The following MAGI1 variants were observed in gnomAD, a reference collection of about 807,000 sequenced individuals.
The protein encoded by MAGI1 is membrane-associated guanylate kinase, WW and PDZ domain-containing protein 1.
MAGI1 carries 58 observed loss-of-function variants against 139.9 expected under a neutral mutation model. That is an observed-to-expected ratio of 0.41 (90% CI 0.34 to 0.52). The LOEUF (loss-of-function observed/expected upper bound fraction) is 0.52. MAGI1 is among the 20% of genes least tolerant of loss of function. The probability of loss-of-function intolerance (pLI) is 0.12; values close to 1 mark genes in which losing one functional copy is unlikely to be tolerated. For synonymous variants in MAGI1, 812 were observed against 737.9 expected (o/e 1.10, Z -1.63); for missense variants, 1,874 against 1,901.6 (o/e 0.99, Z 0.27).
chr3:65,374,261 G>T (rs1336543607), intron 18 of MAGI1, among the ~76,000 whole-genome samples: 1 of 149,714 alleles, frequency 6.7e-6, no homozygotes, highest in Non-Finnish European at 1.5e-5. Context: ...GAATATTCAG[G>T]AACTAATTCT....
intron 7 of MAGI1, 100 bp downstream of exon 7, chr3:65,447,922 A>C: frequency 7.5e-7 from 1 of 1,338,770 alleles, no homozygotes; most frequent in Non-Finnish European, 1.1e-6. Context: ...GGAGGAGTGC[A>C]AACTAAAGAA....
chr3:65,447,878 C>G, intron 7 of MAGI1, 144 bp downstream of exon 7: 2 of 972,440 alleles, frequency 2.1e-6, no homozygotes, highest in East Asian at 2.4e-5. Flanking sequence ...TAAGACTGAC[C>G]TTTCCTGGAT....
At chr3:65,671,857 A>G (rs898670272) in intron 1 of MAGI1, among the ~76,000 whole-genome samples, 25 of 152,154 alleles carry the variant, frequency 1.6e-4, no homozygotes, top group Non-Finnish European at 5.9e-5. Flanking sequence ...TAATGACCAA[A>G]AAAAGTTCCT....
intron 2 of MAGI1, among the ~76,000 whole-genome samples, chr3:65,599,859 A>C (rs987467293): frequency 3.9e-5 from 6 of 152,200 alleles, no homozygotes; most frequent in African/African-American, 1.4e-4. Flanking sequence ...GATGTCTCGG[A>C]AGAAACACAG....
intron 1 of MAGI1, among the ~76,000 whole-genome samples, chr3:66,012,347 A>T (rs1050131565): frequency 2.0e-5 from 3 of 152,340 alleles, no homozygotes; most frequent in African/African-American, 7.2e-5. Context: ...TTTATGCAGT[A>T]AACATTCATT....
chr3:65,988,756 A>T (rs2066013155), intron 1 of MAGI1, among the ~76,000 whole-genome samples: 1 of 152,178 alleles, frequency 6.6e-6, no homozygotes, highest in Non-Finnish European at 1.5e-5. Flanking sequence ...TATAATTAGA[A>T]AGAACTCATT....
rs866681540 is a variant in MAGI1 at position 65,728,003 on chromosome 3, G to A, written c.314-105915C>T. On this transcript the variant is annotated intron_variant, in intron 1 of 22. Coordinates refer to ENST00000402939, the MANE Select transcript of MAGI1 (RefSeq NM_001033057.2). ...AGTACCCCCACCCAAAATAGACCAGGAAACATTTGTAAAGGGATATAGTCT... is the reference window on the plus strand; with the variant it reads ...AGTACCCCCACCCAAAATAGACCAGAAAACATTTGTAAAGGGATATAGTCT... 2.0e-4 allele frequency among the ~76,000 whole-genome samples: 30 copies of A among 152,264 alleles called. 1 individual carries two copies. The highest frequency in any genetic ancestry group is 2.6e-4 in the Non-Finnish European group (18 of 68,024).
intron 1 of MAGI1, among the ~76,000 whole-genome samples, chr3:65,709,318 T>C (rs1440877580): frequency 6.6e-6 from 1 of 152,174 alleles, no homozygotes; most frequent in African/African-American, 2.4e-5. Flanking sequence ...CTCTTTTTTT[T>C]CCAGTCCAAT....
At chr3:65,419,605 T>C (rs1201268106) in intron 12 of MAGI1, among the ~76,000 whole-genome samples, 1 of 152,318 alleles carries the variant, frequency 6.6e-6, no homozygotes, top group East Asian at 1.9e-4. Flanking sequence ...TCAAATGGGC[T>C]TTCACAATTA....
intron 2 of MAGI1, among the ~76,000 whole-genome samples, chr3:65,585,745 G>A (rs1254505546): frequency 6.6e-6 from 1 of 152,104 alleles, no homozygotes; most frequent in Non-Finnish European, 1.5e-5. Context: ...CTGGCCCTCT[G>A]AACCTATTCT....
intron 1 of MAGI1, among the ~76,000 whole-genome samples, chr3:65,992,774 A>G (rs1287098710): frequency 6.6e-6 from 1 of 152,216 alleles, no homozygotes; most frequent in African/African-American, 2.4e-5. Context: ...CAGAGACTTT[A>G]TCAGAAATTC....
chr3:65,748,018 T>C (rs1482715946), intron 1 of MAGI1, among the ~76,000 whole-genome samples: 2 of 152,130 alleles, frequency 1.3e-5, no homozygotes, highest in African/African-American at 4.8e-5. Flanking sequence ...TTTAAAAAGA[T>C]ATTGCTTCAC....
intron 2 of MAGI1, among the ~76,000 whole-genome samples, chr3:65,531,819 C>A (rs2078726505): frequency 6.6e-6 from 1 of 152,156 alleles, no homozygotes; most frequent in Admixed American, 6.5e-5. Flanking sequence ...ATAAATAGAA[C>A]CTATAGCACA....
chr3:65,457,991 A>G (rs760704677), intron 5 of MAGI1, among the ~76,000 whole-genome samples: 9 of 151,692 alleles, frequency 5.9e-5, no homozygotes, highest in African/African-American at 1.9e-4. Context: ...ATTCTACTCT[A>G]CCTCCATGGG....
Position 65,356,503 on chromosome 3 carries a change from CCT to C in MAGI1, c.4262_4263del (p.Glu1421GlyfsTer36). 2 of 1,609,516 alleles carry C rather than the reference CCT, an allele frequency of 1.2e-6. No homozygotes were observed. The highest frequency in any genetic ancestry group is 1.1e-5 in the South Asian group (1 of 90,878). Reference protein sequence around the residue: ...RERSLDKRNREDRASHREREE... With the variant: ...RERSLDKRNRXDRASHREREE... Reference sequence around the variant, plus strand: ...TCCCTTTCTCGGTGGCTGGCTCTGTCCTCTCTGTTCCTTTTGTCCAGGGACCG... The same window carrying C: ...TCCCTTTCTCGGTGGCTGGCTCTGTCCTCTGTTCCTTTTGTCCAGGGACCG... On this transcript the variant is annotated frameshift_variant, in exon 23 of 23. Coordinates refer to ENST00000402939, the MANE Select transcript of MAGI1 (RefSeq NM_001033057.2). LOFTEE classifies it high-confidence loss of function.
At chr3:65,789,210 A>T (rs9850472) in intron 1 of MAGI1, among the ~76,000 whole-genome samples, 2,648 of 152,232 alleles carry the variant, frequency 0.017, 71 homozygotes, top group African/African-American at 0.06. Flanking sequence ...ATAATAAATA[A>T]ATAATGACCA....
At chr3:65,419,010 C>T (rs968783167) in intron 12 of MAGI1, among the ~76,000 whole-genome samples, 4 of 152,278 alleles carry the variant, frequency 2.6e-5, no homozygotes, top group African/African-American at 7.2e-5. Context: ...TCTGCGCTGG[C>T]GGCTCCATCT....
chr3:65,893,568 C>T (rs891617478), intron 1 of MAGI1, among the ~76,000 whole-genome samples: 2 of 152,086 alleles, frequency 1.3e-5, no homozygotes, highest in African/African-American at 4.8e-5. Flanking sequence ...GAGGGAATTA[C>T]GCGAGTCCCA....
intron 1 of MAGI1, among the ~76,000 whole-genome samples, chr3:66,011,775 A>G (rs1374245465): frequency 6.6e-6 from 1 of 150,966 alleles, no homozygotes; most frequent in Non-Finnish European, 1.5e-5. Flanking sequence ...TCCCTAACCA[A>G]TGTCCTATAT....
Sources: allele counts gnomAD v4.1 joint callset (sites outside exome capture counted in the v4.1 genomes callset), GRCh38; gene constraint gnomAD v4.1.1; transcripts MANE v1.5; gene names NCBI Gene and HGNC (gene_info 2026-07-23, HGNC 2026-07-21).